GRIK5: variants seen among roughly 807,000 people sequenced by gnomAD.
GRIK5 encodes glutamate receptor ionotropic, kainate 5.
A neutral mutation model predicts 97.4 loss-of-function variants in GRIK5; 43 were observed. The observed-to-expected ratio is 0.44, with a 90% CI of 0.35 to 0.57. The LOEUF (loss-of-function observed/expected upper bound fraction) is 0.57. Ranked by LOEUF, GRIK5 falls within the 20% of genes least tolerant of loss-of-function variation. The pLI is 0.01. For synonymous variants in GRIK5, 580 were observed against 583.5 expected, an observed-to-expected ratio of 0.99 and a Z score of 0.09; for missense variants, 1,015 against 1,382.0, an observed-to-expected ratio of 0.73 and a Z score of 4.21.
intron 15 of GRIK5, among the ~76,000 whole-genome samples, chr19:42,010,457 A>C (rs1249039864): frequency 2.6e-5 from 4 of 152,248 alleles, no homozygotes; most frequent in African/African-American, 9.6e-5. Flanking sequence ...TCAGAGAATC[A>C]AAGATAACAG....
At chr19:42,028,057 T>A (rs551127514) in intron 12 of GRIK5, among the ~76,000 whole-genome samples, 1 of 152,264 alleles carries the variant, frequency 6.6e-6, no homozygotes, top group South Asian at 2.1e-4. Context: ...GGTCTTGAAC[T>A]CCTTGGCTCA....
intron 11 of GRIK5, among the ~76,000 whole-genome samples, chr19:42,043,551 T>G (rs902218440): frequency 6.6e-6 from 1 of 151,792 alleles, no homozygotes; most frequent in African/African-American, 2.4e-5. Context: ...GGATTACAGG[T>G]GCCTGCCACC....
At chr19:42,017,897 T>C (rs1458302789) in intron 15 of GRIK5, among the ~76,000 whole-genome samples, 2 of 151,722 alleles carry the variant, frequency 1.3e-5, no homozygotes, top group Non-Finnish European at 2.9e-5. Flanking sequence ...CACCTGGAGA[T>C]GGACGAGTGA....
Position 42,022,085 on chromosome 19 carries a change from A to T in GRIK5, c.1588-29T>A. On this transcript the variant is annotated intron_variant, in intron 13 of 19. Coordinates refer to ENST00000593562, the MANE Select transcript of GRIK5 (RefSeq NM_002088.5). The surrounding 1 kb of genome is among the most constrained non-coding windows in gnomAD (Gnocchi z 4.2). ...TGGGGAGAGGGAGTGAGACCCGGAG[A>T]CACCCCTGGCCTGAGCCTCACACCC... 1 of 1,540,826 alleles carries T rather than the reference A, an allele frequency of 6.5e-7. No homozygotes were observed. Among genetic ancestry groups the T allele is most frequent in the South Asian group, 1.1e-5 (1 of 88,340 alleles).
intron 12 of GRIK5, among the ~76,000 whole-genome samples, chr19:42,038,819 T>G (rs142161473): frequency 6.6e-6 from 1 of 152,216 alleles, no homozygotes; most frequent in Non-Finnish European, 1.5e-5. Context: ...GCTGTTGTGA[T>G]GACGGTGGTG....
chr19:42,051,405 CATCCCT>C (rs1469495949), intron 11 of GRIK5, among the ~76,000 whole-genome samples: 1 of 152,172 alleles, frequency 6.6e-6, no homozygotes, highest in Non-Finnish European at 1.5e-5. Flanking sequence ...TCCCTAGCAG[CATCCCT>C]CATGGGCCAA....
At chr19:42,008,855 G>A (rs1223984113) in intron 15 of GRIK5, among the ~76,000 whole-genome samples, 2 of 152,198 alleles carry the variant, frequency 1.3e-5, no homozygotes, top group Non-Finnish European at 2.9e-5. Context: ...AGAACTTTTA[G>A]AGAATGATAT....
intron 15 of GRIK5, among the ~76,000 whole-genome samples, chr19:42,011,946 G>A (rs1337678416): frequency 2.6e-5 from 4 of 152,116 alleles, no homozygotes; most frequent in African/African-American, 4.8e-5. Flanking sequence ...GACAGAGTGA[G>A]ACCCTGTCTC....
chr19:42,064,012 G>A (rs1425452519), intron 3 of GRIK5, among the ~76,000 whole-genome samples: 1 of 152,108 alleles, frequency 6.6e-6, no homozygotes, highest in Non-Finnish European at 1.5e-5. Flanking sequence ...GCCTGGAAAT[G>A]GTCCTTGCCT....
intron 12 of GRIK5, among the ~76,000 whole-genome samples, chr19:42,035,923 T>A (rs1019185397): frequency 3.3e-5 from 5 of 152,326 alleles, no homozygotes; most frequent in African/African-American, 1.2e-4. Context: ...TCTGATGGTA[T>A]GCAAAAATGC....
In GRIK5 at chr19:42,070,137, G is replaced by A. The variant is rs2076403876; in HGVS notation, c.-947C>T. On this transcript the variant is annotated 5_prime_UTR_variant, in exon 1 of 20. Coordinates refer to ENST00000593562, the MANE Select transcript of GRIK5 (RefSeq NM_002088.5). ...CTCCCTGCCGCTGGCTGCCGCCACC[G>A]CTCAGTCTCCCCTCCGAGGCCGCCG... is the stretch of plus-strand genomic sequence containing the variant. Among the ~76,000 whole-genome samples, 2 of 151,924 alleles carry A rather than the reference G, an allele frequency of 1.3e-5. No individual in the cohort carries two copies. The highest frequency in any genetic ancestry group is 2.9e-5 in the Non-Finnish European group (2 of 67,952).
At chr19:42,005,523 T>TTGC (rs2075478438) in intron 17 of GRIK5, among the ~76,000 whole-genome samples, 200 bp downstream of exon 17, 1 of 152,200 alleles carries the variant, frequency 6.6e-6, no homozygotes, top group Admixed American at 6.5e-5. Context: ...GAGGGCTGGA[T>TTGC]TGCTGCTAGG....
chr19:42,009,574 C>T (rs1244030850), intron 15 of GRIK5, among the ~76,000 whole-genome samples: 1 of 151,864 alleles, frequency 6.6e-6, no homozygotes, highest in Non-Finnish European at 1.5e-5. Context: ...TTGCGACCAG[C>T]CTGACTAACA....
At chr19:42,009,224 T>C (rs957112195) in intron 15 of GRIK5, among the ~76,000 whole-genome samples, 2 of 151,990 alleles carry the variant, frequency 1.3e-5, no homozygotes, top group African/African-American at 4.8e-5. Flanking sequence ...GACCTTATCG[T>C]TATTTTTTTA....
In GRIK5 at chr19:42,021,427, C is replaced by G. The variant is rs151120519; in HGVS notation, c.1745G>C (p.Arg582Pro). 1.9e-5 allele frequency: 31 copies of G among 1,607,358 alleles called. No individual in the cohort carries two copies. Among genetic ancestry groups the G allele is most frequent in the Non-Finnish European group, 2.1e-5 (25 of 1,176,182 alleles). Reference sequence around the variant, plus strand: ...GTACTGGTTCTCCAGGATGTGGGGGCGTGCCCGCAGGCATGGGTGTGGGTT... The same window carrying G: ...GTACTGGTTCTCCAGGATGTGGGGGGGTGCCCGCAGGCATGGGTGTGGGTT... ...WYNPHPCLRA[R>P]PHILENQYTL... The change falls in exon 15 of 20, where the codon CGC becomes CCC. Residue 582 changes from arginine to proline, a missense_variant. Arg to Pro is a moderately radical substitution (Grantham distance 103). Around this residue, in one of 5 missense-constraint regions of GRIK5, gnomAD observed 477 missense variants for 701.1 expected, o/e 0.68. Coordinates refer to ENST00000593562, the MANE Select transcript of GRIK5 (RefSeq NM_002088.5). The surrounding 1 kb of genome is among the most constrained non-coding windows in gnomAD (Gnocchi z 4.2).
chr19:42,025,257 T>G (rs1224373410), intron 12 of GRIK5, among the ~76,000 whole-genome samples: 1 of 152,136 alleles, frequency 6.6e-6, no homozygotes, highest in Non-Finnish European at 1.5e-5. Flanking sequence ...GGACCTCCAT[T>G]TCTACCATTC....
At chr19:42,024,983 C>T (rs1431476209) in intron 12 of GRIK5, among the ~76,000 whole-genome samples, 1 of 152,214 alleles carries the variant, frequency 6.6e-6, no homozygotes, top group Non-Finnish European at 1.5e-5. Flanking sequence ...GCCAGCTGGA[C>T]ATGTCATGTG....
chr19:42,042,656 G>C lies in GRIK5; in HGVS notation c.1369C>G (p.Leu457Val). 1.9e-6 allele frequency: 3 copies of C among 1,613,440 alleles called. No homozygotes were observed. Among genetic ancestry groups the C allele is most frequent in the Non-Finnish European group, 2.5e-6 (3 of 1,179,954 alleles). ...CVDMLRELAE[L>V]LRFRYRLRLV... ...CGCAGGCGGTAGCGGAAGCGCAGCA[G>C]CTCGGCCAGCTCCCGCAGCATGTCC... is the stretch of plus-strand genomic sequence containing the variant. The change falls in exon 12 of 20, where the codon CTG becomes GTG. Residue 457 changes from leucine to valine, a missense_variant. Around this residue, in one of 5 missense-constraint regions of GRIK5, gnomAD observed 477 missense variants for 701.1 expected, o/e 0.68. Transcript: ENST00000593562. The surrounding 1 kb of genome is among the most constrained non-coding windows in gnomAD (Gnocchi z 6.9).
At position 42,056,800 on chromosome 19, in the gene GRIK5, G is replaced by A. The variant is rs908312540; in HGVS notation, c.765C>T (p.Asp255=). 8.7e-6 allele frequency: 14 copies of A among 1,614,032 alleles called. No homozygotes were observed. Among genetic ancestry groups the A allele is most frequent in the African/African-American group, 4.0e-5 (3 of 74,906 alleles). ...TTMDFPILHL[D]GIVEDSSNIL... is the part of the protein sequence containing the mutation. ...TGTTGGAGGAGTCCTCCACAATACC[G>A]TCCAGATGCAGGATGGGGAAGTCCT... The change falls in exon 8 of 20, where the codon GAC becomes GAT. Residue 255 remains aspartate, a synonymous_variant. Transcript: ENST00000593562.
Sources: gnomAD v4.1 joint callset for allele counts (sites outside exome capture counted in the v4.1 genomes callset) on GRCh38, gnomAD v4.1.1 for gene constraint, gnomAD v4.1.1 regional missense constraint, Gnocchi (gnomAD v3.1) non-coding constraint, MANE v1.5 for transcripts, NCBI Gene and HGNC (gene_info 2026-07-23, HGNC 2026-07-21) for gene names.